ESYT3: variants seen among roughly 807,000 people sequenced by gnomAD.
The protein encoded by ESYT3 is extended synaptotagmin 3.
ESYT3 carries 101 observed loss-of-function variants against 111.5 expected under a neutral mutation model. The observed-to-expected ratio is 0.91, with a 90% CI of 0.77 to 1.07. The LOEUF (loss-of-function observed/expected upper bound fraction) is 1.07. ESYT3 is among the 50% of genes least tolerant of loss of function. The pLI is 0.00. For synonymous variants in ESYT3, 416 were observed against 446.8 expected (o/e 0.93, Z 0.87); for missense variants, 1,097 against 1,109.4 (o/e 0.99, Z 0.16).
chr3:138,459,911 C>T (rs1375153012), intron 5 of ESYT3, 34 bp from the exon 6 acceptor site: 3 of 1,585,034 alleles, frequency 1.9e-6, no homozygotes, highest in Admixed American at 1.7e-5. Flanking sequence ...GAAAGTAGGC[C>T]TGGGCCCCTC....
chr3:138,458,310 T>C (rs750025143), intron 4 of ESYT3, among the ~76,000 whole-genome samples: 1 of 152,228 alleles, frequency 6.6e-6, no homozygotes, highest in Non-Finnish European at 1.5e-5. Context: ...ATTTAGGGGC[T>C]GGTCCCAAGT....
intron 5 of ESYT3, 56 bp from the exon 6 acceptor site, chr3:138,459,889 C>G: frequency 1.3e-6 from 2 of 1,491,390 alleles, no homozygotes; most frequent in Non-Finnish European, 1.9e-6. Context: ...CTGAGCCCAG[C>G]AGGCATGGGG....
At chr3:138,471,233 C>T (rs1258025638) in intron 17 of ESYT3, among the ~76,000 whole-genome samples, 2 of 152,232 alleles carry the variant, frequency 1.3e-5, no homozygotes, top group Non-Finnish European at 2.9e-5. Flanking sequence ...CTCCTCCATT[C>T]TTCTTAAATT....
In ESYT3 at chr3:138,472,762, T is replaced by C. The variant is rs1411326821; in HGVS notation, c.2140T>C (p.Phe714Leu). 4 of 1,614,196 alleles carry C rather than the reference T, an allele frequency of 2.5e-6. No individual in the cohort carries two copies. The African/African-American group carries it at 5.3e-5, about 22-fold the overall frequency. ...ACCCATGAAATGCCCTGCCTCCCCA[T>C]TCGCATGGCCGCCCAAGAGGCTGGC... ...PRPMKCPASP[F>L]AWPPKRLAPS... The change falls in exon 18 of 23, where the codon TTC becomes CTC. Residue 714 changes from phenylalanine to leucine, a missense_variant. Transcript: ENST00000389567.
chr3:138,463,588 G>A (rs949061644), intron 8 of ESYT3, among the ~76,000 whole-genome samples: 7 of 152,172 alleles, frequency 4.6e-5, no homozygotes, highest in Non-Finnish European at 1.0e-4. Flanking sequence ...GTAGTGTAAT[G>A]AATAGCCTTG....
Position 138,476,459 on chromosome 3 carries a change from C to T in ESYT3, c.2591C>T (p.Ser864Leu). 6.2e-7 allele frequency: 1 copy of T among 1,613,910 alleles called. No homozygotes were observed. The highest frequency in any genetic ancestry group is 8.5e-7 in the Non-Finnish European group (1 of 1,179,944). ...ATTATTTAGGTACTGATTGACTTAT[C>T]AAAAGAAGATCTGATTAAGGGCTTT... ...KELGKVLIDL[S>L]KEDLIKGFSQ... The change falls in exon 22 of 23, where the codon TCA (serine) becomes TTA (leucine). Residue 864 changes from serine to leucine, a missense_variant. Physicochemically the swap from Ser to Leu is moderately radical, Grantham distance 145. Coordinates refer to ENST00000389567, the MANE Select transcript of ESYT3 (RefSeq NM_031913.5).
chr3:138,461,043 C>A (rs1485805870), intron 7 of ESYT3, among the ~76,000 whole-genome samples: 1 of 152,138 alleles, frequency 6.6e-6, no homozygotes, highest in Non-Finnish European at 1.5e-5. Flanking sequence ...GCAGCCAGCT[C>A]CTGGCTCTGT....
intron 2 of ESYT3, among the ~76,000 whole-genome samples, chr3:138,452,621 C>T (rs987309265): frequency 1.3e-5 from 2 of 152,210 alleles, no homozygotes; most frequent in African/African-American, 2.4e-5. Context: ...CAAGGAGGCT[C>T]CTGCTGGATG....
intron 10 of ESYT3, among the ~76,000 whole-genome samples, chr3:138,466,620 A>T (rs1444180645): frequency 6.6e-6 from 1 of 152,022 alleles, no homozygotes; most frequent in Non-Finnish European, 1.5e-5. Flanking sequence ...GGCTGTCAGG[A>T]CCTTCTGGTT....
chr3:138,470,294 A>G lies in ESYT3; in HGVS notation c.1590+148A>G, dbSNP rs902684572. On this transcript the variant is annotated intron_variant, in intron 16 of 22. Coordinates refer to ENST00000389567, the MANE Select transcript of ESYT3 (RefSeq NM_031913.5). ...TAAGAGAGGACACTGAGGCCCCACA[A>G]GGCCTCATCTCCTTAAGGCTAGTGC... The G allele has an allele frequency of 8.0e-6, 11 of 1,367,676 alleles. No individual in the cohort carries two copies. In the African/African-American group the frequency reaches 8.8e-5, roughly 11 times the overall value. The allele number at this position is 1,367,676 out of a possible 1,614,324, so 84.7% of individuals were successfully genotyped here. A position where few individuals can be genotyped will look rare whatever the true frequency, so the allele number is the denominator to read the frequency against.
chr3:138,472,659 C>A lies in ESYT3; in HGVS notation c.2037C>A (p.Ile679=), dbSNP rs368985977. 8 of 1,614,194 alleles carry A rather than the reference C, an allele frequency of 5.0e-6. No homozygotes were observed. In the South Asian group the frequency reaches 6.6e-5, roughly 13 times the overall value. ...GTGCCAAAAGGTTCTGTGAGCCCAT[C>A]GGGGAGAAGAAGAGTCCAGCCACCA... ...KDSAKRFCEP[I]GEKKSPATIF... Residue 679 remains isoleucine, a synonymous_variant, in exon 18 of 23, where the codon ATC becomes ATA. Transcript: ENST00000389567.
chr3:138,459,160 A>G (rs763729082), intron 4 of ESYT3, 27 bp from the exon 5 acceptor site: 3 of 1,482,378 alleles, frequency 2.0e-6, no homozygotes, highest in East Asian at 5.0e-5. Context: ...CCTCCTCCCC[A>G]CCTTCCTTTT....
chr3:138,467,466 C>A, intron 10 of ESYT3, 95 bp from the exon 11 acceptor site: 2 of 1,253,844 alleles, frequency 1.6e-6, no homozygotes, highest in South Asian at 1.2e-5. Context: ...TGGCCGCACT[C>A]AGATATCTGA....
At position 138,477,637 on chromosome 3, in the gene ESYT3, C is replaced by T. The variant is rs2033548339; in HGVS notation, c.*783C>T. The T allele has an allele frequency of 6.6e-6, 1 of 152,142 alleles. No homozygotes were observed. The highest frequency in any genetic ancestry group is 2.4e-5 in the African/African-American group (1 of 41,394). The allele number at this position is 152,142 out of a possible 1,614,324, so 9.4% of individuals were successfully genotyped here. ...CACTGGAGACTGCTGAAGAGTGTCA[C>T]CATCAGAGAAAAGGAAGCTTTCAGA... On this transcript the variant is annotated 3_prime_UTR_variant, in exon 23 of 23. Transcript: ENST00000389567.
Position 138,435,452 on chromosome 3 carries a change from G to C in ESYT3, c.327+327G>C. The stretch of plus-strand genomic sequence containing the variant: ...AAACAAGGGCGTCTGGGACTTCGCA[G>C]ACTTACTCGGGTTGGAATCAGAAGG... On this transcript the variant is annotated intron_variant, in intron 1 of 22. Transcript: ENST00000389567. This position sits in a 1 kb window ranked among gnomAD's most constrained non-coding sequence, Gnocchi z 4.8. 6.6e-6 allele frequency among the ~76,000 whole-genome samples: 1 copy of C among 152,240 alleles called. No individual in the cohort carries two copies. The highest frequency in any genetic ancestry group is 1.9e-4 in the East Asian group (1 of 5,200).
chr3:138,449,756 T>G (rs2031802171), intron 1 of ESYT3, among the ~76,000 whole-genome samples: 1 of 152,216 alleles, frequency 6.6e-6, no homozygotes, highest in Non-Finnish European at 1.5e-5. Flanking sequence ...CTGAGAATGC[T>G]CCCTCTTCCC....
In ESYT3 at chr3:138,470,844, A is replaced by T. The variant is rs768529476; in HGVS notation, c.1591-33A>T. The T allele has an allele frequency of 1.5e-5, 24 of 1,613,238 alleles. No homozygotes were observed. In the African/African-American group the frequency reaches 3.1e-4, roughly 21 times the overall value. The stretch of plus-strand genomic sequence containing the variant: ...AGTAGTGGAGTGGTGGGGCTTGGTT[A>T]TCCTCTTGTTTTGTGACTGGACCAC... On this transcript the variant is annotated intron_variant, in intron 16 of 22. Transcript: ENST00000389567.
chr3:138,470,658 A>G, intron 16 of ESYT3: 2 of 1,364,566 alleles, frequency 1.5e-6, no homozygotes, highest in South Asian at 3.4e-5. Context: ...ACTAGCTCAT[A>G]CAGATCATAA....
chr3:138,439,025 C>T (rs933523578), intron 1 of ESYT3, among the ~76,000 whole-genome samples: 1 of 152,208 alleles, frequency 6.6e-6, no homozygotes, highest in African/African-American at 2.4e-5. Context: ...CTGTCCTTGT[C>T]GGGTAGGGAC....
Sources: gnomAD v4.1 joint callset for allele counts (sites outside exome capture counted in the v4.1 genomes callset) on GRCh38, gnomAD v4.1.1 for gene constraint, Gnocchi (gnomAD v3.1) non-coding constraint, MANE v1.5 for transcripts, NCBI Gene and HGNC (gene_info 2026-07-23, HGNC 2026-07-21) for gene names.